The following AEBP2 variants were observed in gnomAD, a reference collection of about 807,000 sequenced individuals.
AEBP2 encodes the protein zinc finger protein AEBP2.
In AEBP2, 10 loss-of-function variants were observed where a neutral mutation model predicts 50.8. That is an observed-to-expected ratio of 0.20 (90% CI 0.12 to 0.33). The LOEUF is 0.33. Ranked by LOEUF, AEBP2 falls within the 10% of genes least tolerant of loss-of-function variation. AEBP2 has a pLI of 1.00. For missense variants in AEBP2, 570 were observed against 688.0 expected, an observed-to-expected ratio of 0.83 and a Z score of 1.92; for synonymous variants, 296 against 261.3, an observed-to-expected ratio of 1.13 and a Z score of -1.28.
At chr12:19,456,219 G>A (rs1277195326) in intron 1 of AEBP2, 19 of 1,438,572 alleles carry the variant, frequency 1.3e-5, no homozygotes, top group East Asian at 2.3e-5. Context: ...GATTAAGACC[G>A]GGGTGGCAGG....
At chr12:19,501,797 G>GTTGTTT (rs1949082246) in intron 5 of AEBP2, among the ~76,000 whole-genome samples, 2 of 70,870 alleles carry the variant, frequency 2.8e-5, no homozygotes, top group African/African-American at 9.9e-5. Flanking sequence ...AAATGAGTTT[G>GTTGTTT]TTTTTTTTTT....
intron 1 of AEBP2, among the ~76,000 whole-genome samples, chr12:19,421,231 C>T (rs1442839264): frequency 1.3e-5 from 2 of 150,388 alleles, no homozygotes; most frequent in African/African-American, 2.4e-5. Context: ...GTAATCCCTG[C>T]TACTCAGGAT....
intron 1 of AEBP2, among the ~76,000 whole-genome samples, chr12:19,444,778 G>A (rs1031213775): frequency 2.0e-5 from 3 of 152,178 alleles, no homozygotes; most frequent in African/African-American, 7.2e-5. Flanking sequence ...GGAGGGCAGG[G>A]ACATTTTTGC....
intron 1 of AEBP2, among the ~76,000 whole-genome samples, chr12:19,458,745 A>G (rs1421269240): frequency 6.6e-6 from 1 of 152,132 alleles, no homozygotes; most frequent in Non-Finnish European, 1.5e-5. Flanking sequence ...AAAAAAATCG[A>G]TTTGGTTTTC....
intron 5 of AEBP2, chr12:19,509,027 C>T (rs997755498): frequency 1.8e-6 from 1 of 570,642 alleles, no homozygotes; most frequent in Non-Finnish European, 3.4e-6. Flanking sequence ...TGGGAAAGCA[C>T]CAAAATCTGC....
At chr12:19,444,775 A>C (rs1001531982) in intron 1 of AEBP2, among the ~76,000 whole-genome samples, 1 of 152,214 alleles carries the variant, frequency 6.6e-6, no homozygotes, top group African/African-American at 2.4e-5. Flanking sequence ...TTTGGAGGGC[A>C]GGGACATTTT....
At chr12:19,459,713 A>G (rs1948338626) in intron 1 of AEBP2, among the ~76,000 whole-genome samples, 1 of 152,164 alleles carries the variant, frequency 6.6e-6, no homozygotes. Context: ...TTAGAGTTGC[A>G]CTTTAGAATC....
At chr12:19,493,599 A>G (rs914680237) in intron 3 of AEBP2, among the ~76,000 whole-genome samples, 1 of 152,148 alleles carries the variant, frequency 6.6e-6, no homozygotes, top group African/African-American at 2.4e-5. Context: ...TGCATTTTCA[A>G]GCTTTGTCTA....
chr12:19,503,564 C>T (rs78363495), intron 5 of AEBP2, among the ~76,000 whole-genome samples: 53 of 151,770 alleles, frequency 3.5e-4, no homozygotes, highest in African/African-American at 1.2e-3. Context: ...AAAGTAAATT[C>T]GATTTCCTCT....
At chr12:19,410,569 A>G (rs2095738730) in intron 1 of AEBP2, among the ~76,000 whole-genome samples, 1 of 152,200 alleles carries the variant, frequency 6.6e-6, no homozygotes, top group South Asian at 2.1e-4. Context: ...TTGTGCCTCT[A>G]GGAACTGCTT....
chr12:19,518,272 T>C lies in AEBP2; in HGVS notation c.*155T>C. 1 of 1,323,382 alleles carries C rather than the reference T, an allele frequency of 7.6e-7. No individual in the cohort carries two copies. Among genetic ancestry groups the C allele is most frequent in the Non-Finnish European group, 9.6e-7 (1 of 1,038,888 alleles). 82.0% of individuals were successfully genotyped at this position (1,323,382 alleles called of 1,614,324 possible). On this transcript the variant is annotated 3_prime_UTR_variant, in exon 8 of 8. Transcript: ENST00000266508. ...TATTTAGGATAATATTTATGCTTAG[T>C]GTAAACATTCTGTGAATGAAGTAGA...
At chr12:19,510,105 G>T (rs1949212850) in intron 5 of AEBP2, among the ~76,000 whole-genome samples, 1 of 152,038 alleles carries the variant, frequency 6.6e-6, no homozygotes, top group South Asian at 2.1e-4. Context: ...TTATTAGTGT[G>T]TGTGTAAACC....
At chr12:19,481,554 C>T (rs891237431) in intron 3 of AEBP2, among the ~76,000 whole-genome samples, 1 of 151,838 alleles carries the variant, frequency 6.6e-6, no homozygotes, top group Non-Finnish European at 1.5e-5. Context: ...TTATTGCAAC[C>T]TCCCACCTTC....
At chr12:19,492,166 C>CTAA (rs1175199209) in intron 3 of AEBP2, among the ~76,000 whole-genome samples, 1 of 152,068 alleles carries the variant, frequency 6.6e-6, no homozygotes, top group African/African-American at 2.4e-5. Context: ...AAGTCAAAAA[C>CTAA]TAAGTAAATT....
Position 19,449,478 on chromosome 12 carries a change from T to C in AEBP2, c.671+9108T>C, listed in dbSNP as rs140068079. Among the ~76,000 whole-genome samples the C allele has an allele frequency of 7.2e-3, 1,102 of 152,304 alleles. 4 individuals carry two copies. The highest frequency in any genetic ancestry group is 0.011 in the Non-Finnish European group (756 of 68,014). On this transcript the variant is annotated intron_variant, in intron 1 of 7. Coordinates refer to ENST00000266508, the MANE Select transcript of AEBP2 (RefSeq NM_153207.5). ...ATTTGATATGAGAAATTTAAAGTAA[T>C]GTGCTCAGTGCGTAGTGGTGATAAA... is the stretch of plus-strand genomic sequence containing the variant.
At chr12:19,491,622 T>C (rs763285716) in intron 3 of AEBP2, among the ~76,000 whole-genome samples, 9 of 152,124 alleles carry the variant, frequency 5.9e-5, no homozygotes, top group South Asian at 2.1e-4. Context: ...ACATTTTTCA[T>C]AGAGACGCTG....
At chr12:19,494,597 T>C (rs1948942957) in intron 4 of AEBP2, among the ~76,000 whole-genome samples, 2 of 147,422 alleles carry the variant, frequency 1.4e-5, no homozygotes, top group Non-Finnish European at 1.5e-5. Context: ...GACGGGCTGG[T>C]CTCAAACTCC....
chr12:19,468,784 C>T (rs1948527379), intron 2 of AEBP2, among the ~76,000 whole-genome samples: 1 of 152,022 alleles, frequency 6.6e-6, no homozygotes, highest in Admixed American at 6.6e-5. Flanking sequence ...GAGAAGATTC[C>T]CAGAGGCAAA....
At chr12:19,504,127 A>T (rs1049624848) in intron 5 of AEBP2, among the ~76,000 whole-genome samples, 1 of 152,014 alleles carries the variant, frequency 6.6e-6, no homozygotes, top group Non-Finnish European at 1.5e-5. Flanking sequence ...AAATTAATTT[A>T]TGTTTTTAGT....
Sources: gnomAD v4.1 joint callset for allele counts (sites outside exome capture counted in the v4.1 genomes callset) on GRCh38, gnomAD v4.1.1 for gene constraint, MANE v1.5 for transcripts, NCBI Gene and HGNC (gene_info 2026-07-23, HGNC 2026-07-21) for gene names.